SNAI3: variants seen among roughly 807,000 people sequenced by gnomAD.
SNAI3 encodes the protein zinc finger protein SNAI3.
SNAI3 carries 21 observed loss-of-function variants against 16.4 expected under a neutral mutation model. That is an observed-to-expected ratio of 1.28 (90% confidence interval 0.91 to 1.85). The LOEUF is 1.85. Ranked by LOEUF, SNAI3 falls within the 40% of genes most tolerant of loss-of-function variation. The pLI is 0.00. For missense variants in SNAI3, 457 were observed against 372.8 expected (o/e 1.23, Z -1.86); for synonymous variants, 202 against 166.6 (o/e 1.21, Z -1.64).
At chr16:88,684,635 A>G (rs1909294806) in intron 1 of SNAI3, among the ~76,000 whole-genome samples, 4 of 152,112 alleles carry the variant, frequency 2.6e-5, no homozygotes, top group Admixed American at 2.0e-4. Flanking sequence ...ATCTGGGATT[A>G]TAGGCACCCG....
rs1298720257 is a variant in SNAI3 at position 88,686,446 on chromosome 16, G to GGAGGGGCGCGC, written c.-51_-41dup. 1.3e-6 allele frequency: 2 copies of GGAGGGGCGCGC among 1,596,672 alleles called. No individual in the cohort carries two copies. The highest frequency in any genetic ancestry group is 1.7e-6 in the Non-Finnish European group (2 of 1,175,214). On this transcript the variant is annotated 5_prime_UTR_variant, in exon 1 of 3. Transcript: ENST00000332281. ...CGGCAGGCCGGGGTGGGCTGGGGCG[G>GGAGGGGCGCGC]GAGGGGCGCGCCTGGGTCCGGACTG...
chr16:88,678,162 C>T lies in SNAI3; in HGVS notation c.*286G>A, dbSNP rs1909035089. On this transcript the variant is annotated 3_prime_UTR_variant, in exon 3 of 3. Transcript: ENST00000332281. ...CTCTTGGAAGGGTAGCCCCGGAGAC[C>T]TGGCCGTGTCGAAATGGAACCATGG... The T allele has an allele frequency of 2.7e-6, 1 of 370,194 alleles. No homozygotes were observed. The highest frequency in any genetic ancestry group is 4.9e-6 in the Non-Finnish European group (1 of 202,452). 22.9% of individuals were successfully genotyped at this position (370,194 alleles called of 1,614,324 possible). A position where few individuals can be genotyped will look rare whatever the true frequency, so the allele number is the denominator to read the frequency against.
chr16:88,678,394 C>T lies in SNAI3; in HGVS notation c.*54G>A, dbSNP rs576268993. On this transcript the variant is annotated 3_prime_UTR_variant, in exon 3 of 3. Coordinates refer to ENST00000332281, the MANE Select transcript of SNAI3 (RefSeq NM_178310.4). The stretch of plus-strand genomic sequence containing the variant: ...CTGGCTCCTCTGGGGGCAGGAGGGA[C>T]GCCAGCTCTCCCGGTGAGGACCATC... 6.4e-5 allele frequency: 44 copies of T among 685,630 alleles called. No individual in the cohort carries two copies. The highest frequency in any genetic ancestry group is 4.6e-4 in the East Asian group (18 of 38,934). The allele number at this position is 685,630 out of a possible 1,614,324, so 42.5% of individuals were successfully genotyped here. A position where few individuals can be genotyped will look rare whatever the true frequency, so the allele number is the denominator to read the frequency against.
chr16:88,683,763 G>C (rs1241262153), intron 1 of SNAI3, among the ~76,000 whole-genome samples: 1 of 151,742 alleles, frequency 6.6e-6, no homozygotes, highest in African/African-American at 2.4e-5. Flanking sequence ...TGCCACATTG[G>C]CCAGACTCGT....
chr16:88,683,296 C>T (rs1168604317), intron 1 of SNAI3, among the ~76,000 whole-genome samples: 2 of 150,812 alleles, frequency 1.3e-5, no homozygotes, highest in East Asian at 2.0e-4. Context: ...CGCTCTGTCA[C>T]CCAGGCTGGA....
intron 1 of SNAI3, among the ~76,000 whole-genome samples, chr16:88,682,699 A>G (rs910433719): frequency 5.3e-5 from 8 of 151,398 alleles, no homozygotes; most frequent in African/African-American, 1.5e-4. Flanking sequence ...ACTAGAACAT[A>G]TAAAGGATGT....
In SNAI3 at chr16:88,686,472, C is replaced by T. The variant is rs778741788; in HGVS notation, c.-66G>A. The stretch of plus-strand genomic sequence containing the variant: ...GAGGGGCGCGCCTGGGTCCGGACTG[C>T]TGCGTCCGCCGGCGCTTGAAGGGGT... On this transcript the variant is annotated 5_prime_UTR_variant, in exon 1 of 3. Coordinates refer to ENST00000332281, the MANE Select transcript of SNAI3 (RefSeq NM_178310.4). 366 of 1,575,254 alleles carry T rather than the reference C, an allele frequency of 2.3e-4. No individual in the cohort carries two copies. Among genetic ancestry groups the T allele is most frequent in the Non-Finnish European group, 2.9e-4 (342 of 1,166,706 alleles).
At chr16:88,680,368 C>G (rs1171441947) in intron 2 of SNAI3, among the ~76,000 whole-genome samples, 13 of 139,582 alleles carry the variant, frequency 9.3e-5, no homozygotes, top group African/African-American at 3.4e-4. Flanking sequence ...TCACCGCAAC[C>G]TCCACCTCCT....
At chr16:88,682,682 C>G (rs1024232863) in intron 1 of SNAI3, among the ~76,000 whole-genome samples, 1 of 149,524 alleles carries the variant, frequency 6.7e-6, no homozygotes, top group Non-Finnish European at 1.5e-5. Context: ...GGAATAGCAT[C>G]TAGAACACTA....
rs1364958814 is a variant in SNAI3 at position 88,678,498 on chromosome 16, T to C, written c.829A>G (p.Met277Val). 1 of 782,762 alleles carries C rather than the reference T, an allele frequency of 1.3e-6. No individual in the cohort carries two copies. Among genetic ancestry groups the C allele is most frequent in the South Asian group, 1.3e-5 (1 of 74,672 alleles). 48.5% of individuals were successfully genotyped at this position (782,762 alleles called of 1,614,324 possible). The stretch of plus-strand genomic sequence containing the variant: ...TCCTCATGCCGCGCCAGGAGGGACA[T>C]GCGGGAGAAGGTCTTGGTGCAGCGC... ...CRRCTKTFSR[M>V]SLLARHEESG... The change falls in exon 3 of 3, where the codon ATG becomes GTG. Residue 277 changes from methionine to valine, a missense_variant. Transcript: ENST00000332281.
At chr16:88,682,049 A>G (rs566234009) in intron 1 of SNAI3, among the ~76,000 whole-genome samples, 67 of 152,226 alleles carry the variant, frequency 4.4e-4, no homozygotes, top group African/African-American at 1.4e-3. Flanking sequence ...AGGGCCCTTT[A>G]CGCCTCGGCT....
intron 1 of SNAI3, among the ~76,000 whole-genome samples, chr16:88,684,092 C>T (rs1909274594): frequency 6.6e-6 from 1 of 152,206 alleles, no homozygotes; most frequent in Non-Finnish European, 1.5e-5. Flanking sequence ...CTCCTCCCAC[C>T]CTCAGTTTTC....
Position 88,678,607 on chromosome 16 carries a change from C to G in SNAI3, c.720G>C (p.Ser240=). 8.6e-7 allele frequency: 1 copy of G among 1,156,656 alleles called. No individual in the cohort carries two copies. The highest frequency in any genetic ancestry group is 2.3e-5 in the East Asian group (1 of 42,904). 71.6% of individuals were successfully genotyped at this position (1,156,656 alleles called of 1,614,324 possible). Residue 240 remains serine, a synonymous_variant, in exon 3 of 3, where the codon TCG becomes TCC. Coordinates refer to ENST00000332281, the MANE Select transcript of SNAI3 (RefSeq NM_178310.4). ...GGTCGGCAAAGGCCCTGCTGCAGTG[C>G]GAGCAGGCATAGGGCTTCTCCCCTG... ...THTGEKPYAC[S]HCSRAFADRS...
chr16:88,686,142 G>A (rs1909350886), intron 1 of SNAI3, 189 bp downstream of exon 1: 1 of 659,320 alleles, frequency 1.5e-6, no homozygotes, highest in African/African-American at 1.8e-5. Context: ...GGGGCTCAGT[G>A]CCCTGAAGTG....
chr16:88,681,847 C>G lies in SNAI3; in HGVS notation c.77-133G>C, dbSNP rs1909185149. The G allele has an allele frequency of 4.8e-6, 5 of 1,034,742 alleles. No individual in the cohort carries two copies. Among genetic ancestry groups the G allele is most frequent in the Non-Finnish European group, 6.3e-6 (5 of 795,588 alleles). The allele number at this position is 1,034,742 out of a possible 1,614,324, so 64.1% of individuals were successfully genotyped here. A position where few individuals can be genotyped will look rare whatever the true frequency, so the allele number is the denominator to read the frequency against. On this transcript the variant is annotated intron_variant, in intron 1 of 2. Coordinates refer to ENST00000332281, the MANE Select transcript of SNAI3 (RefSeq NM_178310.4). The surrounding 1 kb of genome is among the most constrained non-coding windows in gnomAD (Gnocchi z 5.4). ...CGTGGGAGGTGTAGCCGGGAACCTG[C>G]ATGCAGACCCAGCTTGCAAGGGAGC...
Position 88,678,592 on chromosome 16 carries a change from G to C in SNAI3, c.735C>G (p.Ala245=), listed in dbSNP as rs1404655528. ...CCCGAAGGTTGGAGCGGTCGGCAAA[G>C]GCCCTGCTGCAGTGCGAGCAGGCAT... ...KPYACSHCSR[A]FADRSNLRAH... Residue 245 remains alanine (A), a synonymous_variant, in exon 3 of 3, where the codon GCC becomes GCG. Transcript: ENST00000332281. 4 of 1,043,196 alleles carry C rather than the reference G, an allele frequency of 3.8e-6. No individual in the cohort carries two copies. Among genetic ancestry groups the C allele is most frequent in the Non-Finnish European group, 6.1e-6 (4 of 661,068 alleles). The allele number at this position is 1,043,196 out of a possible 1,614,324, so 64.6% of individuals were successfully genotyped here.
chr16:88,685,192 TCAC>T (rs1298111610), intron 1 of SNAI3: 2 of 152,270 alleles, frequency 1.3e-5, no homozygotes, highest in Non-Finnish European at 2.9e-5. Context: ...CCAGTGTCCT[TCAC>T]CATGAGCCAG....
At chr16:88,685,185 G>T (rs1909314703) in intron 1 of SNAI3, 1 of 152,272 alleles carries the variant, frequency 6.6e-6, no homozygotes. Context: ...ACAGAAGCCA[G>T]TGTCCTTCAC....
At chr16:88,682,931 C>T (rs1170436802) in intron 1 of SNAI3, among the ~76,000 whole-genome samples, 8 of 150,938 alleles carry the variant, frequency 5.3e-5, no homozygotes, top group East Asian at 2.0e-4. Context: ...CCTGCCACCA[C>T]GCCCGGCTAA....
Sources: allele counts gnomAD v4.1 joint callset (sites outside exome capture counted in the v4.1 genomes callset), GRCh38; gene constraint gnomAD v4.1.1; non-coding constraint Gnocchi (gnomAD v3.1); transcripts MANE v1.5; gene names NCBI Gene and HGNC (gene_info 2026-07-23, HGNC 2026-07-21).